ARL8B: variants seen among roughly 807,000 people sequenced by gnomAD.
ARL8B encodes the protein ARF like GTPase 8B, also known as ADP-ribosylation factor-like protein 8B.
ARL8B carries 9 observed loss-of-function variants against 30.6 expected under a neutral mutation model. The ratio of observed to expected loss-of-function variants is 0.29; its 90% CI spans 0.18 to 0.51. The LOEUF is 0.51. Ranked by LOEUF, ARL8B falls within the 20% of genes least tolerant of loss-of-function variation. ARL8B has a pLI of 0.97. For missense variants in ARL8B, 130 were observed against 227.2 expected (o/e 0.57, Z 2.75); for synonymous variants, 74 against 76.0 (o/e 0.97, Z 0.14).
chr3:5,143,227 A>T (rs1215906173), intron 1 of ARL8B, among the ~76,000 whole-genome samples: 1 of 152,184 alleles, frequency 6.6e-6, no homozygotes, highest in South Asian at 2.1e-4. Context: ...GCAAGTTTCC[A>T]TTTTGACCTT....
intron 1 of ARL8B, among the ~76,000 whole-genome samples, chr3:5,132,490 C>T (rs1025124355): frequency 2.0e-5 from 3 of 152,168 alleles, no homozygotes; most frequent in African/African-American, 7.2e-5. Context: ...CCACCTGCTT[C>T]GGCCTCCCAA....
chr3:5,154,752 C>G (rs992700750), intron 1 of ARL8B, among the ~76,000 whole-genome samples: 2 of 152,128 alleles, frequency 1.3e-5, no homozygotes, highest in East Asian at 3.8e-4. Flanking sequence ...GCTCTGTTGC[C>G]CGGGCTGGAG....
Position 5,178,870 on chromosome 3 carries a change from T to A in ARL8B, c.*157T>A. 2 of 1,281,144 alleles carry A rather than the reference T, an allele frequency of 1.6e-6. No homozygotes were observed. The highest frequency in any genetic ancestry group is 2.1e-6 in the Non-Finnish European group (2 of 961,204). The allele number at this position is 1,281,144 out of a possible 1,614,324, so 79.4% of individuals were successfully genotyped here. A position where few individuals can be genotyped will look rare whatever the true frequency, so the allele number is the denominator to read the frequency against. On this transcript the variant is annotated 3_prime_UTR_variant, in exon 7 of 7. Coordinates refer to ENST00000256496, the MANE Select transcript of ARL8B (RefSeq NM_018184.3). ...GTGCACTGCTGAAGATGAATATCCC[T>A]AATCCTTCATAAAGAATCAGCTAGA...
intron 1 of ARL8B, among the ~76,000 whole-genome samples, chr3:5,142,355 G>C (rs1203045258): frequency 1.3e-5 from 2 of 152,138 alleles, no homozygotes; most frequent in Non-Finnish European, 2.9e-5. Flanking sequence ...AGAATGAGGG[G>C]ATTGCTTTGG....
At chr3:5,130,607 G>T (rs916909800) in intron 1 of ARL8B, among the ~76,000 whole-genome samples, 1 of 150,660 alleles carries the variant, frequency 6.6e-6, no homozygotes, top group Non-Finnish European at 1.5e-5. Flanking sequence ...GATCTCGGTT[G>T]ACTGTAACCT....
intron 1 of ARL8B, among the ~76,000 whole-genome samples, chr3:5,153,467 GT>G (rs944502252): frequency 6.6e-6 from 1 of 152,178 alleles, no homozygotes; most frequent in African/African-American, 2.4e-5. Flanking sequence ...CACCGTGATT[GT>G]GAGGCTTCCC....
At chr3:5,136,551 C>T (rs573660594) in intron 1 of ARL8B, among the ~76,000 whole-genome samples, 1 of 152,324 alleles carries the variant, frequency 6.6e-6, no homozygotes, top group Admixed American at 6.5e-5. Flanking sequence ...TTCTTTGGCT[C>T]TTTGTGCCAA....
intron 1 of ARL8B, among the ~76,000 whole-genome samples, chr3:5,123,411 GT>G (rs2054201284): frequency 1.3e-5 from 2 of 152,208 alleles, no homozygotes; most frequent in East Asian, 3.9e-4. Flanking sequence ...TACATAGAAT[GT>G]GGTGTTTGTT....
intron 1 of ARL8B, among the ~76,000 whole-genome samples, chr3:5,147,791 T>C (rs2054441766): frequency 6.6e-6 from 1 of 151,872 alleles, no homozygotes; most frequent in Admixed American, 6.6e-5. Context: ...AAGTTAGCCT[T>C]CAAAAGGCCT....
rs372865369 is a variant in ARL8B, at chr3:5,147,185, A to G, written c.124-23318A>G. Among the ~76,000 whole-genome samples the G allele has an allele frequency of 2.1e-4, 32 of 152,058 alleles. No individual in the cohort carries two copies. In the East Asian group the frequency reaches 2.3e-3, roughly 11 times the overall value. ...ATCCCCCGCCTCCTCCTACCCCACG[A>G]CAGGCCCTGGTATGTGATGTTCCCC... On this transcript the variant is annotated intron_variant, in intron 1 of 6. Transcript: ENST00000256496.
rs367665343 is a variant in ARL8B, at chr3:5,174,019, G to A, written c.375G>A (p.Val125=). 16 of 1,609,938 alleles carry A rather than the reference G, an allele frequency of 9.9e-6. No individual in the cohort carries two copies. Among genetic ancestry groups the A allele is most frequent in the African/African-American group, 1.3e-5 (1 of 74,832 alleles). ...LDKPQLQGIP[V]LVLGNKRDLP... is the part of the protein sequence containing the mutation. ...CTTAATATCTTTTCTTTTTAAAGGT[G>A]CTAGTGCTTGGAAACAAGAGAGATC... Residue 125 remains valine, a splice_region_variant and synonymous_variant, in exon 5 of 7, where the codon GTG becomes GTA. Coordinates refer to ENST00000256496, the MANE Select transcript of ARL8B (RefSeq NM_018184.3).
chr3:5,126,535 C>G (rs1348818144), intron 1 of ARL8B, among the ~76,000 whole-genome samples: 6 of 152,138 alleles, frequency 3.9e-5, no homozygotes, highest in African/African-American at 1.4e-4. Context: ...TTAACTTACT[C>G]AAAAGGTTCA....
At chr3:5,125,969 C>T (rs1459314905) in intron 1 of ARL8B, among the ~76,000 whole-genome samples, 1 of 152,092 alleles carries the variant, frequency 6.6e-6, no homozygotes, top group African/African-American at 2.4e-5. Context: ...AAACATGTAT[C>T]AGAACATCTC....
At chr3:5,125,658 G>C (rs894357579) in intron 1 of ARL8B, among the ~76,000 whole-genome samples, 2 of 151,690 alleles carry the variant, frequency 1.3e-5, no homozygotes, top group Admixed American at 6.6e-5. Context: ...TCAGCCTCCC[G>C]AGTAGCTGGG....
intron 1 of ARL8B, among the ~76,000 whole-genome samples, chr3:5,134,973 A>G (rs1195811367): frequency 1.3e-5 from 2 of 152,020 alleles, no homozygotes; most frequent in African/African-American, 2.4e-5. Context: ...TTCACCTCCC[A>G]GAGTAGCTGG....
intron 1 of ARL8B, among the ~76,000 whole-genome samples, chr3:5,133,887 A>G (rs1413321655): frequency 6.6e-6 from 1 of 152,216 alleles, no homozygotes; most frequent in East Asian, 1.9e-4. Flanking sequence ...GTGAGCCATG[A>G]TGGTGCCACT....
chr3:5,123,318 C>A (rs1017768187), intron 1 of ARL8B, among the ~76,000 whole-genome samples: 6 of 152,124 alleles, frequency 3.9e-5, no homozygotes, highest in African/African-American at 1.2e-4. Flanking sequence ...GTGTTTTTCA[C>A]TTGAAGAGAA....
chr3:5,170,688 A>C (rs2054664870), intron 2 of ARL8B, 105 bp downstream of exon 2: 1 of 735,236 alleles, frequency 1.4e-6, no homozygotes, highest in African/African-American at 1.8e-5. Context: ...GTTTTTCAGT[A>C]ATGAATGTGC....
intron 1 of ARL8B, among the ~76,000 whole-genome samples, chr3:5,127,795 C>T (rs890499184): frequency 6.9e-6 from 1 of 144,346 alleles, no homozygotes; most frequent in African/African-American, 2.6e-5. Flanking sequence ...ATGGCGTGAA[C>T]CTTGGAGGCA....
Sources: allele counts gnomAD v4.1 joint callset (sites outside exome capture counted in the v4.1 genomes callset), GRCh38; gene constraint gnomAD v4.1.1; transcripts MANE v1.5; gene names NCBI Gene and HGNC (gene_info 2026-07-23, HGNC 2026-07-21).